The following CNTN4 variants were observed in gnomAD, a reference collection of about 807,000 sequenced individuals.
CNTN4 encodes the protein contactin 4.
Under a neutral mutation model 122.5 loss-of-function variants are expected in CNTN4, and 77 were observed. The observed-to-expected ratio is 0.63, with a 90% CI of 0.52 to 0.76. The LOEUF is 0.76. CNTN4 is among the 30% of genes least tolerant of loss of function. The pLI is 0.00. For synonymous variants in CNTN4, 512 were observed against 447.0 expected, an observed-to-expected ratio of 1.15 and a Z score of -1.83; for missense variants, 1,256 against 1,259.1, an observed-to-expected ratio of 1.00 and a Z score of 0.04.
At chr3:2,244,328 A>G (rs1312507069) in intron 2 of CNTN4, among the ~76,000 whole-genome samples, 1 of 152,026 alleles carries the variant, frequency 6.6e-6, no homozygotes, top group African/African-American at 2.4e-5. Context: ...AGGTAACTGA[A>G]GCTGTGGAAA....
chr3:2,724,357 C>T (rs574376654), intron 4 of CNTN4, among the ~76,000 whole-genome samples: 2 of 152,304 alleles, frequency 1.3e-5, no homozygotes, highest in Admixed American at 6.5e-5. Flanking sequence ...ATTGTGTTCT[C>T]ATTCCCAACT....
At chr3:2,489,664 A>G (rs975690481) in intron 3 of CNTN4, among the ~76,000 whole-genome samples, 1 of 152,224 alleles carries the variant, frequency 6.6e-6, no homozygotes, top group East Asian at 1.9e-4. Context: ...TCTGTCACTC[A>G]TAGAAATGCC....
intron 6 of CNTN4, among the ~76,000 whole-genome samples, chr3:2,790,975 C>T (rs2091989700): frequency 6.6e-6 from 1 of 151,950 alleles, no homozygotes; most frequent in African/African-American, 2.4e-5. Context: ...TACTTGTCTT[C>T]TCTGCTAGCC....
intron 2 of CNTN4, among the ~76,000 whole-genome samples, chr3:2,288,355 A>G (rs1396606438): frequency 6.6e-6 from 1 of 152,146 alleles, no homozygotes; most frequent in Non-Finnish European, 1.5e-5. Flanking sequence ...GCCAGAAGGA[A>G]GGAAGAGAGA....
At position 2,428,298 on chromosome 3, in the gene CNTN4, C is replaced by T. The variant is rs551290277; in HGVS notation, c.-89+89065C>T. Reference sequence around the variant, plus strand: ...AGAAAATCTCTCAGCATTTGCTTGTCTGTAAAGGATTTTATTTCTCCTTCA... The same window carrying T: ...AGAAAATCTCTCAGCATTTGCTTGTTTGTAAAGGATTTTATTTCTCCTTCA... On this transcript the variant is annotated intron_variant, in intron 3 of 24. Coordinates refer to ENST00000418658, the MANE Select transcript of CNTN4 (RefSeq NM_175607.3). Among the ~76,000 whole-genome samples, 4 of 152,276 alleles carry T rather than the reference C, an allele frequency of 2.6e-5. No homozygotes were observed. The South Asian group carries it at 8.3e-4, about 32-fold the overall frequency.
chr3:3,043,671 C>A lies in CNTN4; in HGVS notation c.2778C>A (p.Ala926=). ...TCCTGAATTGGGATCAAGTGAAGGC[C>A]CTGGATAATGAGTCGGAAGTAAAAG... ...KIILNWDQVK[A]LDNESEVKGY... The change falls in exon 23 of 25, where the codon GCC becomes GCA. Residue 926 remains alanine (A), a synonymous_variant. Transcript: ENST00000418658. 6.2e-7 allele frequency: 1 copy of A among 1,613,564 alleles called. No individual in the cohort carries two copies. The highest frequency in any genetic ancestry group is 8.5e-7 in the Non-Finnish European group (1 of 1,179,644).
intron 3 of CNTN4, among the ~76,000 whole-genome samples, chr3:2,375,536 A>G (rs2045784309): frequency 6.6e-6 from 1 of 152,116 alleles, no homozygotes; most frequent in African/African-American, 2.4e-5. Context: ...TACAGATCCT[A>G]CTCTGCTTTC....
intron 10 of CNTN4, among the ~76,000 whole-genome samples, chr3:2,891,584 C>T (rs1281499947): frequency 6.6e-6 from 1 of 152,132 alleles, no homozygotes; most frequent in Non-Finnish European, 1.5e-5. Context: ...TGAAAATGAG[C>T]TAGGCTTTCA....
At chr3:2,984,504 C>G (rs1310797365) in intron 13 of CNTN4, among the ~76,000 whole-genome samples, 2 of 152,120 alleles carry the variant, frequency 1.3e-5, no homozygotes, top group Non-Finnish European at 2.9e-5. Flanking sequence ...TTGTTCAGTC[C>G]AAAATGTCGT....
chr3:2,533,022 G>T (rs12639460), intron 3 of CNTN4, among the ~76,000 whole-genome samples: 32,568 of 151,874 alleles, frequency 0.21, 3,811 homozygotes, highest in East Asian at 0.52. Context: ...ATCTCTAGAT[G>T]TGAATCTTGT....
intron 3 of CNTN4, among the ~76,000 whole-genome samples, chr3:2,526,411 A>G (rs1379378891): frequency 6.6e-6 from 1 of 152,178 alleles, no homozygotes; most frequent in Non-Finnish European, 1.5e-5. Context: ...AACAAATACC[A>G]AAATCATAGC....
chr3:2,895,866 C>A (rs529065931), intron 10 of CNTN4, among the ~76,000 whole-genome samples: 2 of 152,108 alleles, frequency 1.3e-5, no homozygotes, highest in Non-Finnish European at 2.9e-5. Context: ...AACCCCGTCT[C>A]TACTAAAAAT....
At chr3:2,788,327 C>T (rs2091904808) in intron 6 of CNTN4, among the ~76,000 whole-genome samples, 1 of 152,082 alleles carries the variant, frequency 6.6e-6, no homozygotes. Flanking sequence ...CCACTCATTT[C>T]ACTGTATGAT....
At chr3:2,994,742 T>C (rs537353494) in intron 14 of CNTN4, among the ~76,000 whole-genome samples, 103 of 152,264 alleles carry the variant, frequency 6.8e-4, no homozygotes, top group African/African-American at 2.4e-3. Context: ...CATAGCATAA[T>C]AGACGCAATA....
intron 4 of CNTN4, among the ~76,000 whole-genome samples, chr3:2,660,808 C>T (rs1338561378): frequency 6.6e-6 from 1 of 152,188 alleles, no homozygotes; most frequent in East Asian, 1.9e-4. Flanking sequence ...AAGTTAAACA[C>T]AACTGATGCC....
chr3:3,057,560 T>G lies in CNTN4; in HGVS notation c.*1340T>G, dbSNP rs1574960323. The G allele has an allele frequency of 6.6e-6, 1 of 152,662 alleles. No individual in the cohort carries two copies. Among genetic ancestry groups the G allele is most frequent in the Non-Finnish European group, 1.5e-5 (1 of 68,034 alleles). 9.5% of individuals were successfully genotyped at this position (152,662 alleles called of 1,614,324 possible). On this transcript the variant is annotated 3_prime_UTR_variant, in exon 25 of 25. Coordinates refer to ENST00000418658, the MANE Select transcript of CNTN4 (RefSeq NM_175607.3). ...GGAATTTTCTATAAACATTTTCTCA[T>G]GTAAACATGCTGCCACCTTTTCTTC... is the stretch of plus-strand genomic sequence containing the variant.
rs1412319936 is a variant in CNTN4 at position 3,056,496 on chromosome 3, T to TA, written c.*277dup. 19 of 215,114 alleles carry TA rather than the reference T, an allele frequency of 8.8e-5. No homozygotes were observed. The highest frequency in any genetic ancestry group is 1.6e-4 in the Non-Finnish European group (17 of 107,606). 13.3% of individuals were successfully genotyped at this position (215,114 alleles called of 1,614,324 possible). On this transcript the variant is annotated 3_prime_UTR_variant, in exon 25 of 25. Coordinates refer to ENST00000418658, the MANE Select transcript of CNTN4 (RefSeq NM_175607.3). The stretch of plus-strand genomic sequence containing the variant: ...CATATGTCCTTATATGCATATTTTT[T>TA]ATTATATATTTAGTGTTTTATAGAA...
chr3:2,849,986 C>CTTTTTTTTTTTTTTTT lies in CNTN4; in HGVS notation c.455-16758_455-16757insTTTTTTTTTTTTTTTT, dbSNP rs746657018. Among the ~76,000 whole-genome samples the CTTTTTTTTTTTTTTTT allele has an allele frequency of 2.8e-5, 4 of 140,698 alleles. 1 individual carries two copies. The highest frequency in any genetic ancestry group is 2.3e-4 in the South Asian group (1 of 4,408). 92.3% of individuals were successfully genotyped at this position (140,698 alleles called of 152,430 possible). On this transcript the variant is annotated intron_variant, in intron 7 of 24. Transcript: ENST00000418658. ...CCATTTTGGAAAATGTTAGCAATCA[C>CTTTTTTTTTTTTTTTT]TTTTTTTTCTTTTTTTTTTCTGAGA...
chr3:2,668,000 T>C (rs2150348866), intron 4 of CNTN4, among the ~76,000 whole-genome samples: 1 of 152,280 alleles, frequency 6.6e-6, no homozygotes, highest in East Asian at 1.9e-4. Flanking sequence ...TGTAGCCTTG[T>C]AGTATAGTTT....
Sources: gnomAD v4.1 joint callset for allele counts (sites outside exome capture counted in the v4.1 genomes callset) on GRCh38, gnomAD v4.1.1 for gene constraint, MANE v1.5 for transcripts, NCBI Gene and HGNC (gene_info 2026-07-23, HGNC 2026-07-21) for gene names.